SCIMP: variants seen among roughly 807,000 people sequenced by gnomAD.
SCIMP encodes the protein SLP adapter and CSK-interacting membrane protein.
SCIMP carries 18 observed loss-of-function variants against 22.0 expected under a neutral mutation model. The observed-to-expected ratio is 0.82, with a 90% CI of 0.56 to 1.21. SCIMP has a LOEUF of 1.21. SCIMP is among the 50% of genes most tolerant of loss of function. SCIMP has a pLI of 0.00. For missense variants in SCIMP, 155 were observed against 171.2 expected, an observed-to-expected ratio of 0.91 and a Z score of 0.53; for synonymous variants, 53 against 62.2, an observed-to-expected ratio of 0.85 and a Z score of 0.70.
intron 2 of SCIMP, 98 bp from the exon 3 acceptor site, chr17:5,221,448 A>C (rs1018299433): frequency 1.1e-6 from 1 of 902,224 alleles, no homozygotes; most frequent in Non-Finnish European, 1.8e-6. Flanking sequence ...ACAGTTAATA[A>C]ATGATAGAGC....
intron 1 of SCIMP, among the ~76,000 whole-genome samples, chr17:5,234,329 T>TC (rs1159680505): frequency 9.5e-5 from 11 of 115,430 alleles, no homozygotes; most frequent in Non-Finnish European, 1.6e-4. Context: ...CACCCCCACC[T>TC]CCAGCATAGC....
intron 3 of SCIMP, 119 bp from the exon 4 acceptor site, chr17:5,215,117 C>G (rs116020969): frequency 2.9e-6 from 2 of 685,404 alleles, no homozygotes; most frequent in African/African-American, 3.6e-5. Context: ...TTGGTCTCTA[C>G]TAATTGGAAG....
At position 5,215,006 on chromosome 17, in the gene SCIMP, G is replaced by A; in HGVS notation, c.210-8C>T. On this transcript the variant is annotated splice_polypyrimidine_tract_variant and splice_region_variant and intron_variant, in intron 3 of 4. Transcript: ENST00000574081. ...GACTCATTAAGAACATTCCTAGAGA[G>A]AGAGAAAGAGAGAGAATCAGTGTTT... The A allele has an allele frequency of 1.3e-6, 2 of 1,568,964 alleles. No individual in the cohort carries two copies. The highest frequency in any genetic ancestry group is 3.3e-4 in the Middle Eastern group (2 of 5,974).
intron 3 of SCIMP, among the ~76,000 whole-genome samples, chr17:5,218,793 T>C (rs147147703): frequency 0.01 from 1,576 of 152,228 alleles, 26 homozygotes; most frequent in African/African-American, 0.036. Context: ...AAAGCAGAGA[T>C]TTAAAAATGT....
intron 1 of SCIMP, among the ~76,000 whole-genome samples, chr17:5,223,966 G>A (rs1467332350): frequency 6.6e-6 from 1 of 152,178 alleles, no homozygotes; most frequent in Non-Finnish European, 1.5e-5. Flanking sequence ...GACCTTCTGT[G>A]AGCCTCATCT....
intron 1 of SCIMP, among the ~76,000 whole-genome samples, chr17:5,229,145 C>T (rs900941729): frequency 6.6e-6 from 1 of 152,102 alleles, no homozygotes; most frequent in African/African-American, 2.4e-5. Flanking sequence ...CCCCATTCCT[C>T]TAGTTGTCCA....
chr17:5,219,862 G>A (rs1597287457), intron 3 of SCIMP, among the ~76,000 whole-genome samples: 1 of 152,178 alleles, frequency 6.6e-6, no homozygotes, highest in Non-Finnish European at 1.5e-5. Context: ...CCAGTCAGCA[G>A]TGCTTCGCGT....
chr17:5,210,673 T>C lies in SCIMP; in HGVS notation c.*128A>G, dbSNP rs996115567. 19 of 1,274,460 alleles carry C rather than the reference T, an allele frequency of 1.5e-5. No homozygotes were observed. The highest frequency in any genetic ancestry group is 3.0e-5 in the African/African-American group (2 of 66,854). The allele number at this position is 1,274,460 out of a possible 1,614,324, so 78.9% of individuals were successfully genotyped here. A position where few individuals can be genotyped will look rare whatever the true frequency, so the allele number is the denominator to read the frequency against. On this transcript the variant is annotated 3_prime_UTR_variant, in exon 5 of 5. Coordinates refer to ENST00000574081, the MANE Select transcript of SCIMP (RefSeq NM_207103.3). ...AAGGTTTGGGAAGTGCTTTATCTTA[T>C]AGAGCTTCATAAAATCACCACTGGC...
Position 5,234,665 on chromosome 17 carries a change from A to G in SCIMP, c.21+70T>C, listed in dbSNP as rs2074730216. On this transcript the variant is annotated intron_variant, in intron 1 of 4. Transcript: ENST00000574081. Reference sequence around the variant, plus strand: ...CGGTGGCTCCCAGGGACACGCCCTGATGCCAGCGCTGGCAGATGTCTGCTG... The same window carrying G: ...CGGTGGCTCCCAGGGACACGCCCTGGTGCCAGCGCTGGCAGATGTCTGCTG... The G allele has an allele frequency of 2.6e-6, 4 of 1,532,896 alleles. No individual in the cohort carries two copies. The Admixed American group carries it at 5.3e-5, about 20-fold the overall frequency. 95.0% of individuals were successfully genotyped at this position (1,532,896 alleles called of 1,614,324 possible). A position where few individuals can be genotyped will look rare whatever the true frequency, so the allele number is the denominator to read the frequency against.
In SCIMP at chr17:5,218,521, G is replaced by A. The variant is rs1174008113; in HGVS notation, c.209+2766C>T. On this transcript the variant is annotated intron_variant, in intron 3 of 4. Transcript: ENST00000574081. ...TGCCCAGCTAATTTCTGTATTTTTA[G>A]TAGAGACAGGGTTTCACCATGTTGG... is the stretch of plus-strand genomic sequence containing the variant. Among the ~76,000 whole-genome samples the A allele has an allele frequency of 3.3e-5, 5 of 152,142 alleles. 1 individual carries two copies. In the South Asian group the frequency reaches 6.2e-4, roughly 19 times the overall value.
chr17:5,209,109 C>T lies in SCIMP; in HGVS notation c.*1692G>A, dbSNP rs575005382. The T allele has an allele frequency of 4.6e-5, 7 of 152,150 alleles. No homozygotes were observed. Among genetic ancestry groups the T allele is most frequent in the African/African-American group, 1.7e-4 (7 of 41,496 alleles). 9.4% of individuals were successfully genotyped at this position (152,150 alleles called of 1,614,324 possible). On this transcript the variant is annotated 3_prime_UTR_variant, in exon 5 of 5. Coordinates refer to ENST00000574081, the MANE Select transcript of SCIMP (RefSeq NM_207103.3). ...AGGCCATAGTTAGATAACTACTGGCCTAACATAAGGAGGGTTTATTTATTT... is the reference window on the plus strand; with the variant it reads ...AGGCCATAGTTAGATAACTACTGGCTTAACATAAGGAGGGTTTATTTATTT...
At chr17:5,223,887 A>G (rs1316188547) in intron 1 of SCIMP, among the ~76,000 whole-genome samples, 1 of 152,116 alleles carries the variant, frequency 6.6e-6, no homozygotes, top group Admixed American at 6.6e-5. Flanking sequence ...ACATCTGCTT[A>G]GGAATCAGGC....
chr17:5,216,584 T>A (rs2074566890), intron 3 of SCIMP, among the ~76,000 whole-genome samples: 1 of 152,054 alleles, frequency 6.6e-6, no homozygotes, highest in South Asian at 2.1e-4. Flanking sequence ...AAGAATTGCT[T>A]GAATCTGGGA....
intron 1 of SCIMP, among the ~76,000 whole-genome samples, chr17:5,229,278 A>G (rs1245741796): frequency 5.3e-5 from 8 of 152,080 alleles, no homozygotes; most frequent in South Asian, 2.1e-4. Flanking sequence ...AAGGCAGTCA[A>G]CACATCAGCT....
rs779894134 is a variant in SCIMP at position 5,214,947 on chromosome 17, A to G, written c.261T>C (p.Asn87=). 7.5e-6 allele frequency: 12 copies of G among 1,608,432 alleles called. No individual in the cohort carries two copies. The highest frequency in any genetic ancestry group is 4.5e-5 in the East Asian group (2 of 44,864). ...TACAAGAGTCTTCTAGAGAAGGCCAATTCCTCGGTGGCAGAGGCGGTAATT... is the reference window on the plus strand; with the variant it reads ...TACAAGAGTCTTCTAGAGAAGGCCAGTTCCTCGGTGGCAGAGGCGGTAATT... ...PVQLPPLPPR[N]WPSLEDSSPQ... The change falls in exon 4 of 5, where the codon AAT becomes AAC. Residue 87 remains asparagine, a synonymous_variant. Transcript: ENST00000574081.
chr17:5,210,809 A>T lies in SCIMP; in HGVS notation c.430T>A (p.Ser144Thr). 1 of 1,605,236 alleles carries T rather than the reference A, an allele frequency of 6.2e-7. No individual in the cohort carries two copies. The highest frequency in any genetic ancestry group is 1.7e-5 in the Admixed American group (1 of 57,170). Reference sequence around the variant, plus strand: ...AAGAAGAAATGGCTGTTTCAAAATGATGCTTTTTCAGTATTTGCAGGGATT... The same window carrying T: ...AAGAAGAAATGGCTGTTTCAAAATGTTGCTTTTTCAGTATTTGCAGGGATT... ...VEIPANTEKA[S>T]F The change falls in exon 5 of 5, where the codon TCA (serine) becomes ACA (threonine). Residue 144 changes from serine (S) to threonine (T), a missense_variant. Ser to Thr is a moderately conservative substitution (Grantham distance 58). Coordinates refer to ENST00000574081, the MANE Select transcript of SCIMP (RefSeq NM_207103.3).
chr17:5,212,594 A>G (rs945881361), intron 4 of SCIMP, among the ~76,000 whole-genome samples: 4 of 152,090 alleles, frequency 2.6e-5, no homozygotes, highest in Non-Finnish European at 4.4e-5. Context: ...AGATTGCGCC[A>G]CTGCACTCCA....
chr17:5,223,328 A>G lies in SCIMP; in HGVS notation c.145+5T>C. ...CTCCACCTGCCTAGGTAAAATGGCC[A>G]TTACCTCGTCTAAGCTGCCACTTAC... On this transcript the variant is annotated splice_donor_5th_base_variant and intron_variant, in intron 2 of 4. Transcript: ENST00000574081. 1.2e-6 allele frequency: 2 copies of G among 1,613,634 alleles called. No individual in the cohort carries two copies. Among genetic ancestry groups the G allele is most frequent in the East Asian group, 2.2e-5 (1 of 44,870 alleles).
At chr17:5,232,027 G>C (rs148442836) in intron 1 of SCIMP, among the ~76,000 whole-genome samples, 2 of 151,806 alleles carry the variant, frequency 1.3e-5, no homozygotes, top group Admixed American at 6.6e-5. Flanking sequence ...CTGCACTCCA[G>C]CCTGGGCGAC....
Sources: allele counts gnomAD v4.1 joint callset (sites outside exome capture counted in the v4.1 genomes callset), GRCh38; gene constraint gnomAD v4.1.1; transcripts MANE v1.5; gene names NCBI Gene and HGNC (gene_info 2026-07-23, HGNC 2026-07-21).